Variants in ZNF618 observed in about 807,000 individuals in gnomAD.
The protein encoded by ZNF618 is zinc finger protein 618.
A neutral mutation model predicts 103.0 loss-of-function variants in ZNF618; 34 were observed. That is an observed-to-expected ratio of 0.33 (90% confidence interval 0.25 to 0.44). The LOEUF (loss-of-function observed/expected upper bound fraction) is 0.44, where lower values mean the gene tolerates loss of function less well. Among genes scored for constraint, ZNF618 ranks in the 20% least tolerant of loss-of-function variants. The pLI is 1.00. For missense variants in ZNF618, 1,059 were observed against 1,295.4 expected (o/e 0.82, Z 2.80); for synonymous variants, 551 against 542.2 (o/e 1.02, Z -0.23).
chr9:113,988,502 G>A lies in ZNF618; in HGVS notation c.259G>A (p.Val87Ile). 1 of 1,613,260 alleles carries A rather than the reference G, an allele frequency of 6.2e-7. No homozygotes were observed. Among genetic ancestry groups the A allele is most frequent in the Middle Eastern group, 1.6e-4 (1 of 6,062 alleles). ...QGEAKEEKKA[V>I]SKDGTSDVPA... ...CGAGGCCAAGGAGGAGAAGAAGGCG[G>A]TCAGCAAGGATGGGACCAGCGACGT... is the stretch of plus-strand genomic sequence containing the variant. The change falls in exon 3 of 15, where the codon GTC becomes ATC. Residue 87 changes from valine (V) to isoleucine (I), a missense_variant. Val to Ile is a conservative substitution (Grantham distance 29). Coordinates refer to ENST00000374126, the MANE Select transcript of ZNF618 (RefSeq NM_001318042.2).
intron 4 of ZNF618, among the ~76,000 whole-genome samples, chr9:113,999,225 G>T (rs1309690014): frequency 6.6e-6 from 1 of 151,074 alleles, no homozygotes; most frequent in African/African-American, 2.4e-5. Flanking sequence ...TTTAGGCTGT[G>T]CGAGGGGCAG....
chr9:114,016,749 C>T lies in ZNF618; in HGVS notation c.809C>T (p.Pro270Leu). ...FCGKQYKYYT[P>L]YQEHVALHAP... ...GGCAAACAGTACAAGTACTACACTCCCTACCAGGAGCATGTGGCCTTACAC... is the reference window on the plus strand; with the variant it reads ...GGCAAACAGTACAAGTACTACACTCTCTACCAGGAGCATGTGGCCTTACAC... The change falls in exon 10 of 15, where the codon CCC becomes CTC. Residue 270 changes from proline (P) to leucine (L), a missense_variant. Physicochemically the swap from Pro to Leu is moderately conservative, Grantham distance 98. Around this residue, in one of 6 missense-constraint regions of ZNF618, gnomAD observed 434 missense variants for 476.0 expected, o/e 0.91. Coordinates refer to ENST00000374126, the MANE Select transcript of ZNF618 (RefSeq NM_001318042.2). 1 of 1,613,694 alleles carries T rather than the reference C, an allele frequency of 6.2e-7. No individual in the cohort carries two copies. The highest frequency in any genetic ancestry group is 1.3e-5 in the African/African-American group (1 of 75,014).
At position 113,951,573 on chromosome 9, in the gene ZNF618, GTA is replaced by G. The variant is rs376623860; in HGVS notation, c.34-17540_34-17539del. ...CATATGTGTGTGTATATGTGTGTGT[GTA>G]TATGTGTGTGTGTGTGTGTGTGTAT... On this transcript the variant is annotated intron_variant, in intron 1 of 14. Coordinates refer to ENST00000374126, the MANE Select transcript of ZNF618 (RefSeq NM_001318042.2). Among the ~76,000 whole-genome samples, 37 of 52,882 alleles carry G rather than the reference GTA, an allele frequency of 7.0e-4. 6 individuals are homozygous for G. Among genetic ancestry groups the G allele is most frequent in the Admixed American group, 9.8e-4 (5 of 5,084 alleles). 34.7% of individuals were successfully genotyped at this position (52,882 alleles called of 152,430 possible).
At chr9:113,894,577 A>G (rs1373750253) in intron 1 of ZNF618, among the ~76,000 whole-genome samples, 13 of 152,208 alleles carry the variant, frequency 8.5e-5, no homozygotes, top group Non-Finnish European at 1.5e-5. Flanking sequence ...GGACAATATT[A>G]TGTTTTTTCC....
intron 2 of ZNF618, among the ~76,000 whole-genome samples, chr9:113,985,007 TC>T (rs1191621239): frequency 3.3e-5 from 5 of 152,176 alleles, no homozygotes; most frequent in African/African-American, 1.2e-4. Context: ...ACTTGCATCT[TC>T]TGCACATGCC....
intron 5 of ZNF618, among the ~76,000 whole-genome samples, 184 bp downstream of exon 5, chr9:114,002,257 A>G (rs1841298752): frequency 6.6e-6 from 1 of 152,168 alleles, no homozygotes; most frequent in Non-Finnish European, 1.5e-5. Context: ...CTGATGCGGG[A>G]CAGCTCAGGT....
chr9:114,002,378 C>T (rs1318245834), intron 5 of ZNF618, among the ~76,000 whole-genome samples: 3 of 152,302 alleles, frequency 2.0e-5, no homozygotes, highest in Non-Finnish European at 4.4e-5. Flanking sequence ...TGTCAGTGGC[C>T]CCCACAGGGC....
At chr9:113,941,196 G>C (rs1834517247) in intron 1 of ZNF618, among the ~76,000 whole-genome samples, 1 of 151,954 alleles carries the variant, frequency 6.6e-6, no homozygotes, top group Non-Finnish European at 1.5e-5. Flanking sequence ...TTTCCCCAAG[G>C]AATCCTCCCC....
intron 2 of ZNF618, among the ~76,000 whole-genome samples, chr9:113,971,438 C>T (rs1020796147): frequency 7.9e-5 from 12 of 152,280 alleles, no homozygotes; most frequent in Non-Finnish European, 7.4e-5. Flanking sequence ...TCACTAAGCA[C>T]CTGCTCTGGT....
At chr9:113,936,540 G>A (rs1564190339) in intron 1 of ZNF618, among the ~76,000 whole-genome samples, 2 of 152,224 alleles carry the variant, frequency 1.3e-5, no homozygotes, top group Non-Finnish European at 2.9e-5. Flanking sequence ...GCATAGGCTG[G>A]GAATTGGTGC....
chr9:113,938,356 A>AG (rs1554729212), intron 1 of ZNF618, among the ~76,000 whole-genome samples: 1 of 149,196 alleles, frequency 6.7e-6, no homozygotes, highest in Non-Finnish European at 1.5e-5. Context: ...AAAAAAAAAA[A>AG]GTTTTGTAAG....
chr9:113,996,974 C>T (rs543901745), intron 3 of ZNF618, among the ~76,000 whole-genome samples: 7 of 152,260 alleles, frequency 4.6e-5, no homozygotes, highest in African/African-American at 7.2e-5. Context: ...ATCCTTGCGA[C>T]GGATGTTGAG....
chr9:113,888,960 G>A (rs1328076547), intron 1 of ZNF618, among the ~76,000 whole-genome samples: 1 of 152,178 alleles, frequency 6.6e-6, no homozygotes, highest in East Asian at 1.9e-4. Context: ...TTTAAGTGCA[G>A]GATAGTGCTG....
At chr9:113,922,455 G>A (rs1049241883) in intron 1 of ZNF618, among the ~76,000 whole-genome samples, 2 of 150,460 alleles carry the variant, frequency 1.3e-5, no homozygotes, top group East Asian at 1.9e-4. Flanking sequence ...GGGGCAGGCC[G>A]GAGAGGGTTT....
chr9:113,917,124 T>A (rs73552369), intron 1 of ZNF618, among the ~76,000 whole-genome samples: 187 of 152,244 alleles, frequency 1.2e-3, no homozygotes, highest in African/African-American at 4.3e-3. Context: ...CATTGCAGCC[T>A]CAGGGCCTTT....
chr9:114,049,288 C>A lies in ZNF618; in HGVS notation c.1986C>A (p.Ile662=). 1 of 1,612,258 alleles carries A rather than the reference C, an allele frequency of 6.2e-7. No homozygotes were observed. Among genetic ancestry groups the A allele is most frequent in the Middle Eastern group, 1.7e-4 (1 of 6,060 alleles). The stretch of plus-strand genomic sequence containing the variant: ...AGGCCCGCAGCATGCACGAGGTCAT[C>A]GAGCTGCTCAACGTGTGCGAGGACC... ...TLQARSMHEV[I]ELLNVCEDLA... is the part of the protein sequence containing the mutation. The change falls in exon 15 of 15, where the codon ATC becomes ATA. Residue 662 remains isoleucine (I), a synonymous_variant. Transcript: ENST00000374126.
chr9:113,979,323 G>A (rs551648528), intron 2 of ZNF618, among the ~76,000 whole-genome samples: 1 of 152,298 alleles, frequency 6.6e-6, no homozygotes, highest in East Asian at 1.9e-4. Context: ...GCACCCTCAA[G>A]AGAGAATGTC....
intron 1 of ZNF618, among the ~76,000 whole-genome samples, chr9:113,962,382 CT>C (rs1411525459): frequency 2.0e-5 from 3 of 152,204 alleles, no homozygotes; most frequent in Admixed American, 1.3e-4. Flanking sequence ...TGTTTCCCCC[CT>C]GGCCTCATGG....
At chr9:113,934,767 A>G in intron 1 of ZNF618, among the ~76,000 whole-genome samples, 1 of 151,908 alleles carries the variant, frequency 6.6e-6, no homozygotes, top group East Asian at 1.9e-4. Flanking sequence ...TAATTCCGGA[A>G]CTCTGTGTGA....
Sources: gnomAD v4.1 joint callset for allele counts (sites outside exome capture counted in the v4.1 genomes callset) on GRCh38, gnomAD v4.1.1 for gene constraint, gnomAD v4.1.1 regional missense constraint, MANE v1.5 for transcripts, NCBI Gene and HGNC (gene_info 2026-07-23, HGNC 2026-07-21) for gene names.